Variants in TRAF5 observed in about 807,000 individuals in gnomAD.
TRAF5 encodes TNF receptor associated factor 5.
In TRAF5, 48 loss-of-function variants were observed where a neutral mutation model predicts 64.5. The observed-to-expected ratio is 0.74, with a 90% CI of 0.59 to 0.95. TRAF5 has a LOEUF of 0.95. Ranked by LOEUF, TRAF5 falls within the 40% of genes least tolerant of loss-of-function variation. The pLI, the probability that TRAF5 is intolerant of heterozygous loss-of-function variation, is 0.00. For missense variants in TRAF5, 545 were observed against 662.8 expected, an observed-to-expected ratio of 0.82 and a Z score of 1.95; for synonymous variants, 206 against 240.5, an observed-to-expected ratio of 0.86 and a Z score of 1.33.
In TRAF5 at chr1:211,374,500, A is replaced by G. The variant is rs1002542104; in HGVS notation, c.*1798A>G. The G allele has an allele frequency of 1.3e-5, 2 of 152,250 alleles. No homozygotes were observed. The highest frequency in any genetic ancestry group is 2.9e-5 in the Non-Finnish European group (2 of 68,042). The allele number at this position is 152,250 out of a possible 1,614,324, so 9.4% of individuals were successfully genotyped here. A position where few individuals can be genotyped will look rare whatever the true frequency, so the allele number is the denominator to read the frequency against. ...AATGCTAAAGACTCACACTGCAGCA[A>G]TCATCCCAGATGATTAAATTCAAAG... On this transcript the variant is annotated 3_prime_UTR_variant, in exon 11 of 11. Transcript: ENST00000261464.
At chr1:211,344,119 G>A (rs1394957864) in intron 1 of TRAF5, among the ~76,000 whole-genome samples, 1 of 152,174 alleles carries the variant, frequency 6.6e-6, no homozygotes, top group Non-Finnish European at 1.5e-5. Context: ...AGGCATCTCT[G>A]TAAGTGGGAC....
chr1:211,356,501 G>A (rs1702972890), intron 4 of TRAF5, 33 bp downstream of exon 4: 1 of 1,596,976 alleles, frequency 6.3e-7, no homozygotes. Context: ...ATCTGCTTTT[G>A]CCATTTTTCC....
chr1:211,369,480 A>C lies in TRAF5; in HGVS notation c.818A>C (p.Gln273Pro), dbSNP rs772840387. The C allele has an allele frequency of 3.7e-6, 6 of 1,609,110 alleles. No homozygotes were observed. Among genetic ancestry groups the C allele is most frequent in the Non-Finnish European group, 4.2e-6 (5 of 1,178,586 alleles). ...QISDLHKSLE[Q>P]KESKIQQLAE... ...TCTGACTTACACAAGAGCCTAGAAC[A>C]GAAAGAAAGTAAAATCCAGCAGCTA... is the stretch of plus-strand genomic sequence containing the variant. The change falls in exon 9 of 11, where the codon CAG (glutamine) becomes CCG (proline). Residue 273 changes from glutamine to proline, a missense_variant. Transcript: ENST00000261464.
intron 3 of TRAF5, among the ~76,000 whole-genome samples, chr1:211,355,017 A>G (rs1006949116): frequency 1.3e-5 from 2 of 152,044 alleles, no homozygotes; most frequent in African/African-American, 4.8e-5. Flanking sequence ...TACTAAAAAT[A>G]CAGAAATTAG....
chr1:211,344,842 C>T (rs531313461), intron 1 of TRAF5, among the ~76,000 whole-genome samples: 1 of 152,228 alleles, frequency 6.6e-6, no homozygotes, highest in South Asian at 2.1e-4. Flanking sequence ...CAGCCTCGAC[C>T]TCCCAGGCCC....
chr1:211,329,480 G>A (rs1702104279), intron 1 of TRAF5, among the ~76,000 whole-genome samples: 1 of 152,200 alleles, frequency 6.6e-6, no homozygotes, highest in African/African-American at 2.4e-5. Context: ...ACTTTACCTG[G>A]TTGCAAGCTG....
At chr1:211,368,856 G>A (rs1488144867) in intron 8 of TRAF5, 2 of 152,024 alleles carry the variant, frequency 1.3e-5, no homozygotes. Context: ...TCTAATATTC[G>A]TGCAACTCAT....
intron 8 of TRAF5, 22 bp from the exon 9 acceptor site, chr1:211,369,430 T>TCCC (rs1198275940): frequency 6.4e-7 from 1 of 1,563,700 alleles, no homozygotes; most frequent in African/African-American, 1.4e-5. Context: ...GACTTTATTT[T>TCCC]TCCTCACGTT....
intron 1 of TRAF5, among the ~76,000 whole-genome samples, chr1:211,345,665 G>C (rs572481443): frequency 4.6e-5 from 7 of 152,322 alleles, no homozygotes; most frequent in African/African-American, 1.7e-4. Context: ...TGCTCAAGTG[G>C]GTATTAGGCA....
intron 4 of TRAF5, chr1:211,359,480 T>C (rs1264611017): frequency 6.5e-6 from 1 of 153,956 alleles, no homozygotes; most frequent in African/African-American, 2.4e-5. Context: ...CCTTTTACCA[T>C]CTGCTATGCA....
In TRAF5 at chr1:211,369,502, G is replaced by T. The variant is rs368057468; in HGVS notation, c.840G>T (p.Gln280His). The stretch of plus-strand genomic sequence containing the variant: ...AACAGAAAGAAAGTAAAATCCAGCA[G>T]CTAGCAGAAACTATAAAGAAACTTG... ...SLEQKESKIQQLAETIKKLEK... is the reference protein window; with the variant it reads ...SLEQKESKIQHLAETIKKLEK... The change falls in exon 9 of 11, where the codon CAG (glutamine) becomes CAT (histidine). Residue 280 changes from glutamine (Q) to histidine (H), a missense_variant. Physicochemically the swap from Gln to His is conservative, Grantham distance 24. Coordinates refer to ENST00000261464, the MANE Select transcript of TRAF5 (RefSeq NM_001033910.3). 120 of 1,611,188 alleles carry T rather than the reference G, an allele frequency of 7.4e-5. 1 individual carries two copies. The East Asian group carries it at 1.3e-3, about 17-fold the overall frequency.
chr1:211,353,722 T>A (rs1259738224), intron 2 of TRAF5: 1 of 478,210 alleles, frequency 2.1e-6, no homozygotes, highest in Non-Finnish European at 3.8e-6. Flanking sequence ...ACACACTCCA[T>A]CATGGGAGCT....
At chr1:211,349,339 C>G (rs993239145) in intron 1 of TRAF5, among the ~76,000 whole-genome samples, 1 of 152,234 alleles carries the variant, frequency 6.6e-6, no homozygotes, top group African/African-American at 2.4e-5. Context: ...AGTCCACAAT[C>G]AAGACACCAG....
chr1:211,346,197 C>T (rs551476987), intron 1 of TRAF5, among the ~76,000 whole-genome samples: 42 of 152,262 alleles, frequency 2.8e-4, no homozygotes, highest in African/African-American at 1.0e-3. Flanking sequence ...TGTTAGCTAC[C>T]CCTCACCTAG....
Position 211,354,410 on chromosome 1 carries a change from A to C in TRAF5, c.219A>C (p.Arg73Ser). 6.2e-7 allele frequency: 1 copy of C among 1,613,892 alleles called. No individual in the cohort carries two copies. Among genetic ancestry groups the C allele is most frequent in the Non-Finnish European group, 8.5e-7 (1 of 1,179,898 alleles). Residue 73 changes from arginine (R) to serine (S), a missense_variant and splice_region_variant, in exon 3 of 11, where the codon AGA becomes AGC. Transcript: ENST00000261464. ...RFCQHCILSL[R>S]ELNTVPICPV... is the part of the protein sequence containing the mutation. ...GCTCCATTTTAATTTTTTTCTCCAGAGAATTAAACACAGTGCCAATCTGCC... is the reference window on the plus strand; with the variant it reads ...GCTCCATTTTAATTTTTTTCTCCAGCGAATTAAACACAGTGCCAATCTGCC...
intron 1 of TRAF5, 100 bp from the exon 2 acceptor site, chr1:211,353,139 T>C (rs1173787820): frequency 4.4e-6 from 5 of 1,145,136 alleles, no homozygotes; most frequent in Admixed American, 1.8e-5. Flanking sequence ...ATGTGAATGA[T>C]GTACACTAAT....
chr1:211,358,475 TAA>T (rs556432633), intron 4 of TRAF5: 9 of 110,850 alleles, frequency 8.1e-5, no homozygotes, highest in African/African-American at 1.3e-4. Flanking sequence ...AGACTCTGTC[TAA>T]AAAAAAAAAA....
intron 1 of TRAF5, 138 bp downstream of exon 1, chr1:211,327,027 G>GT (rs1702033442): frequency 1.3e-6 from 1 of 749,220 alleles, no homozygotes; most frequent in East Asian, 1.3e-4. Flanking sequence ...TCCCCGACCG[G>GT]CGGGGAGGGC....
chr1:211,356,323 G>A, intron 3 of TRAF5, 44 bp from the exon 4 acceptor site: 3 of 1,541,576 alleles, frequency 1.9e-6, no homozygotes, highest in Non-Finnish European at 2.7e-6. Context: ...TCACATTGCT[G>A]TAAAACTTTG....
Sources: gnomAD v4.1 joint callset for allele counts (sites outside exome capture counted in the v4.1 genomes callset) on GRCh38, gnomAD v4.1.1 for gene constraint, MANE v1.5 for transcripts, NCBI Gene and HGNC (gene_info 2026-07-23, HGNC 2026-07-21) for gene names.